EXOC4: variants seen among roughly 807,000 people sequenced by gnomAD.
EXOC4 encodes exocyst complex component 4.
A neutral mutation model predicts 107.2 loss-of-function variants in EXOC4; 71 were observed. The ratio of observed to expected loss-of-function variants is 0.66; its 90% CI spans 0.55 to 0.81. The LOEUF (loss-of-function observed/expected upper bound fraction) is 0.81. Among genes scored for constraint, EXOC4 ranks in the 30% least tolerant of loss-of-function variants. The pLI is 0.00. For missense variants in EXOC4, 1,108 were observed against 1,189.6 expected, an observed-to-expected ratio of 0.93 and a Z score of 1.01; for synonymous variants, 456 against 441.2, an observed-to-expected ratio of 1.03 and a Z score of -0.42.
intron 9 of EXOC4, among the ~76,000 whole-genome samples, chr7:133,600,430 T>C (rs922168471): frequency 6.6e-6 from 1 of 152,210 alleles, no homozygotes; most frequent in South Asian, 2.1e-4. Context: ...TATAAGCTAT[T>C]ATTTACATAG....
chr7:133,484,121 A>C, intron 9 of EXOC4: 1 of 1,611,190 alleles, frequency 6.2e-7, no homozygotes, highest in South Asian at 1.1e-5. Flanking sequence ...AGTTCCTGCC[A>C]ACATTTTCAA....
intron 9 of EXOC4, among the ~76,000 whole-genome samples, chr7:133,601,093 C>T (rs940139560): frequency 2.0e-5 from 3 of 152,106 alleles, no homozygotes; most frequent in Non-Finnish European, 2.9e-5. Context: ...TGTTTATATG[C>T]TGCTTTTTAA....
chr7:133,574,245 A>G (rs1400106863), intron 9 of EXOC4, among the ~76,000 whole-genome samples: 2 of 152,172 alleles, frequency 1.3e-5, no homozygotes, highest in African/African-American at 4.8e-5. Flanking sequence ...GTATACATGC[A>G]TAATCATATA....
intron 10 of EXOC4, among the ~76,000 whole-genome samples, chr7:133,800,151 G>T (rs374893193): frequency 1.3e-5 from 2 of 150,104 alleles, no homozygotes; most frequent in South Asian, 4.2e-4. Context: ...CTAAAATGCT[G>T]GTGGCATTAA....
chr7:133,448,197 A>G (rs1464408610), intron 7 of EXOC4, among the ~76,000 whole-genome samples: 2 of 152,274 alleles, frequency 1.3e-5, no homozygotes, highest in East Asian at 3.9e-4. Context: ...GCCCCACTGC[A>G]CTCAGTCTAG....
chr7:133,587,223 C>G (rs540832769), intron 9 of EXOC4, among the ~76,000 whole-genome samples: 1 of 152,128 alleles, frequency 6.6e-6, no homozygotes, highest in Non-Finnish European at 1.5e-5. Flanking sequence ...GAGGCAAGAC[C>G]TTCACATCTA....
intron 15 of EXOC4, among the ~76,000 whole-genome samples, chr7:134,004,291 G>T (rs922516182): frequency 2.0e-5 from 3 of 152,114 alleles, no homozygotes; most frequent in African/African-American, 7.2e-5. Context: ...CACGCCATTT[G>T]TGCCAGACAC....
At chr7:133,864,649 A>G (rs1585208356) in intron 11 of EXOC4, among the ~76,000 whole-genome samples, 1 of 152,330 alleles carries the variant, frequency 6.6e-6, no homozygotes, top group African/African-American at 2.4e-5. Context: ...TTTGGTGACT[A>G]TAGATAATTA....
chr7:133,372,543 G>A (rs1268802099), intron 6 of EXOC4, among the ~76,000 whole-genome samples: 1 of 147,350 alleles, frequency 6.8e-6, no homozygotes, highest in Non-Finnish European at 1.5e-5. Context: ...ATTCTCTACT[G>A]GTTTTTTTTT....
At chr7:133,870,719 G>T (rs2116392640) in intron 11 of EXOC4, among the ~76,000 whole-genome samples, 1 of 152,274 alleles carries the variant, frequency 6.6e-6, no homozygotes, top group Non-Finnish European at 1.5e-5. Flanking sequence ...ACCACTCATG[G>T]CCTATAGCCT....
intron 7 of EXOC4, among the ~76,000 whole-genome samples, chr7:133,464,926 C>T (rs561268963): frequency 4.8e-5 from 7 of 146,172 alleles, no homozygotes; most frequent in African/African-American, 1.8e-4. Context: ...CTCAAGGGAT[C>T]TTCCTAGGTC....
chr7:133,276,430 A>C (rs754351387), intron 2 of EXOC4, among the ~76,000 whole-genome samples: 8 of 152,232 alleles, frequency 5.3e-5, no homozygotes, highest in Non-Finnish European at 8.8e-5. Context: ...ATTCTTTGCA[A>C]GGGATGATTA....
At chr7:133,787,751 G>T (rs1000763310) in intron 10 of EXOC4, among the ~76,000 whole-genome samples, 5 of 150,808 alleles carry the variant, frequency 3.3e-5, no homozygotes, top group Admixed American at 3.3e-4. Flanking sequence ...TGTTATGAGG[G>T]CTCCATCCTC....
intron 9 of EXOC4, among the ~76,000 whole-genome samples, chr7:133,628,885 A>T (rs1457943901): frequency 6.6e-6 from 1 of 152,186 alleles, no homozygotes; most frequent in East Asian, 1.9e-4. Context: ...ACTTTGCAGG[A>T]TGGATATCAG....
chr7:133,889,364 A>G (rs1010670523), intron 11 of EXOC4, among the ~76,000 whole-genome samples: 1 of 146,930 alleles, frequency 6.8e-6, no homozygotes, highest in African/African-American at 2.5e-5. Context: ...TTTTGAGTTC[A>G]TATTTCTTTT....
chr7:133,484,150 A>C, intron 9 of EXOC4: 1 of 1,608,596 alleles, frequency 6.2e-7, no homozygotes, highest in Non-Finnish European at 8.5e-7. Flanking sequence ...ACAATTAGAA[A>C]TGTGACTCAG....
chr7:134,030,542 A>T (rs1795245076), intron 17 of EXOC4, among the ~76,000 whole-genome samples: 1 of 152,142 alleles, frequency 6.6e-6, no homozygotes, highest in African/African-American at 2.4e-5. Context: ...AGCACCGCTG[A>T]TGAGAGTGCA....
intron 14 of EXOC4, among the ~76,000 whole-genome samples, chr7:133,949,761 A>T (rs1800646320): frequency 8.8e-6 from 1 of 113,728 alleles, no homozygotes; most frequent in Non-Finnish European, 2.0e-5. Context: ...TGCTAAGCTG[A>T]TGGCACTTCC....
intron 10 of EXOC4, among the ~76,000 whole-genome samples, chr7:133,781,570 T>G (rs1796466824): frequency 6.6e-6 from 1 of 152,230 alleles, no homozygotes; most frequent in African/African-American, 2.4e-5. Context: ...ATCCTAAAAC[T>G]TAGTAATTCT....
Sources: allele counts gnomAD v4.1 joint callset (sites outside exome capture counted in the v4.1 genomes callset), GRCh38; gene constraint gnomAD v4.1.1; transcripts MANE v1.5; gene names NCBI Gene and HGNC (gene_info 2026-07-23, HGNC 2026-07-21).